Variants in TBC1D1 observed in about 807,000 individuals in gnomAD.
TBC1D1 encodes TBC1 (tre-2/USP6, BUB2, cdc16) domain family, member 1.
TBC1D1 carries 89 observed loss-of-function variants against 125.6 expected under a neutral mutation model. The observed-to-expected ratio is 0.71, with a 90% CI of 0.60 to 0.85. TBC1D1 has a LOEUF of 0.85. Among genes scored for constraint, TBC1D1 ranks in the 40% least tolerant of loss-of-function variants. TBC1D1 has a pLI of 0.00. For synonymous variants in TBC1D1, 565 were observed against 564.1 expected (o/e 1.00, Z -0.02); for missense variants, 1,377 against 1,469.2 (o/e 0.94, Z 1.03).
intron 14 of TBC1D1, among the ~76,000 whole-genome samples, chr4:38,097,171 T>C (rs1477232057): frequency 6.6e-6 from 1 of 152,128 alleles, no homozygotes; most frequent in Non-Finnish European, 1.5e-5. Context: ...TATGCACTTT[T>C]TCTTTTTTGA....
At chr4:38,058,103 C>A (rs1242311552) in intron 12 of TBC1D1, among the ~76,000 whole-genome samples, 2 of 152,174 alleles carry the variant, frequency 1.3e-5, no homozygotes, top group Non-Finnish European at 2.9e-5. Context: ...TACGTACTTG[C>A]CTTCAGTCAA....
chr4:37,944,563 G>A (rs780583391), intron 2 of TBC1D1, among the ~76,000 whole-genome samples: 3 of 152,178 alleles, frequency 2.0e-5, no homozygotes, highest in Non-Finnish European at 4.4e-5. Flanking sequence ...CCTCACTGCC[G>A]CCTTGCAGTT....
chr4:38,121,578 G>A (rs1052942061), intron 17 of TBC1D1, among the ~76,000 whole-genome samples: 5 of 152,230 alleles, frequency 3.3e-5, no homozygotes, highest in African/African-American at 1.2e-4. Flanking sequence ...GTGGGCTACA[G>A]TGTAGTGAGC....
intron 6 of TBC1D1, among the ~76,000 whole-genome samples, chr4:38,025,928 C>T (rs534938607): frequency 1.3e-5 from 2 of 152,266 alleles, no homozygotes; most frequent in Admixed American, 1.3e-4. Flanking sequence ...TGTATTGCAG[C>T]CACCTGAGTG....
chr4:38,031,466 A>C (rs914306330), intron 7 of TBC1D1, among the ~76,000 whole-genome samples: 1 of 152,174 alleles, frequency 6.6e-6, no homozygotes, highest in Non-Finnish European at 1.5e-5. Context: ...TTAAGTTTTA[A>C]GATGTTAGAC....
At position 38,096,021 on chromosome 4, in the gene TBC1D1, A is replaced by T. The variant is rs1482393590; in HGVS notation, c.2329A>T (p.Met777Leu). 2.5e-6 allele frequency: 4 copies of T among 1,614,030 alleles called. No homozygotes were observed. The highest frequency in any genetic ancestry group is 1.3e-5 in the African/African-American group (1 of 74,922). Residue 777 changes from methionine to leucine, a missense_variant, in exon 14 of 20, where the codon ATG (methionine) becomes TTG (leucine). Physicochemically the swap from Met to Leu is conservative, Grantham distance 15. Around this residue, in one of 3 missense-constraint regions of TBC1D1, gnomAD observed 543 missense variants for 613.5 expected, o/e 0.89. Transcript: ENST00000261439. ...AGAAGTAACTACAGTGTGGGAAAAGATGCTTAGCACTCCAGGAAGATCAAA... is the reference window on the plus strand; with the variant it reads ...AGAAGTAACTACAGTGTGGGAAAAGTTGCTTAGCACTCCAGGAAGATCAAA...
rs776941680 is a variant in TBC1D1, at chr4:38,039,104, C to CTTTTTTTTTTTT, written c.1413+3426_1413+3437dup. On this transcript the variant is annotated intron_variant, in intron 8 of 19. Transcript: ENST00000261439. ...AATTTCTTATAAATGGCATCATACT[C>CTTTTTTTTTTTT]TTTTTTTTTTTTTTTTTTTTTTTTT... Among the ~76,000 whole-genome samples, 36 of 51,584 alleles carry CTTTTTTTTTTTT rather than the reference C, an allele frequency of 7.0e-4. 7 individuals are homozygous for CTTTTTTTTTTTT. Among genetic ancestry groups the CTTTTTTTTTTTT allele is most frequent in the South Asian group, 2.1e-3 (2 of 960 alleles). The allele number at this position is 51,584 out of a possible 152,430, so 33.8% of individuals were successfully genotyped here. A position where few individuals can be genotyped will look rare whatever the true frequency, so the allele number is the denominator to read the frequency against.
intron 7 of TBC1D1, 30 bp from the exon 8 acceptor site, chr4:38,035,554 AAAAT>A (rs1158831408): frequency 1.7e-5 from 27 of 1,565,682 alleles, no homozygotes; most frequent in African/African-American, 2.7e-5. Context: ...TTGACGATTA[AAAAT>A]AAATCCTGTT....
intron 12 of TBC1D1, among the ~76,000 whole-genome samples, chr4:38,059,293 T>C (rs543609713): frequency 6.6e-6 from 1 of 152,348 alleles, no homozygotes; most frequent in South Asian, 2.1e-4. Flanking sequence ...CTAAGAGGGC[T>C]GGTTTTAATC....
intron 2 of TBC1D1, among the ~76,000 whole-genome samples, chr4:37,906,530 C>T (rs1279435154): frequency 6.6e-6 from 1 of 152,190 alleles, no homozygotes; most frequent in Admixed American, 6.5e-5. Flanking sequence ...TGTAAAGCAT[C>T]AGTGATTTCA....
At chr4:38,106,639 GA>G (rs1761343785) in intron 15 of TBC1D1, among the ~76,000 whole-genome samples, 1 of 152,174 alleles carries the variant, frequency 6.6e-6, no homozygotes, top group African/African-American at 2.4e-5. Context: ...GGAGGAACGG[GA>G]AGGTGTCTCC....
intron 12 of TBC1D1, among the ~76,000 whole-genome samples, chr4:38,081,773 A>C (rs1250522733): frequency 6.6e-6 from 1 of 152,102 alleles, no homozygotes; most frequent in East Asian, 1.9e-4. Flanking sequence ...ATGAATGAGG[A>C]AACTGACACA....
intron 2 of TBC1D1, among the ~76,000 whole-genome samples, chr4:37,986,055 A>G: frequency 6.6e-6 from 1 of 152,270 alleles, no homozygotes; most frequent in Non-Finnish European, 1.5e-5. Context: ...AAGGCACATC[A>G]GTATAAATAA....
chr4:38,105,002 G>A lies in TBC1D1; in HGVS notation c.2557+1845G>A, dbSNP rs181728500. 2.4e-4 allele frequency among the ~76,000 whole-genome samples: 36 copies of A among 152,070 alleles called. No individual in the cohort carries two copies. In the East Asian group the frequency reaches 5.4e-3, roughly 23 times the overall value. ...AATCTCCTGACCTCGTGATCCTCCC[G>A]CCTTGGCCTCTCAAAGTGCTGGGAT... is the stretch of plus-strand genomic sequence containing the variant. On this transcript the variant is annotated intron_variant, in intron 15 of 19. Coordinates refer to ENST00000261439, the MANE Select transcript of TBC1D1 (RefSeq NM_015173.4).
chr4:38,078,706 C>T (rs1756023210), intron 12 of TBC1D1, among the ~76,000 whole-genome samples: 1 of 152,196 alleles, frequency 6.6e-6, no homozygotes, highest in African/African-American at 2.4e-5. Context: ...CTTGTACTGC[C>T]ACCCTGATCT....
At chr4:38,085,438 A>G (rs1190511554) in intron 12 of TBC1D1, among the ~76,000 whole-genome samples, 1 of 152,240 alleles carries the variant, frequency 6.6e-6, no homozygotes, top group East Asian at 1.9e-4. Context: ...GACTTTATAA[A>G]TATGCCTGTC....
intron 17 of TBC1D1, 141 bp downstream of exon 19, chr4:38,118,333 T>A: frequency 9.5e-7 from 1 of 1,052,934 alleles, no homozygotes; most frequent in Non-Finnish European, 1.4e-6. Flanking sequence ...CTAAGATTAG[T>A]CAGGGGTGGG....
intron 2 of TBC1D1, among the ~76,000 whole-genome samples, chr4:37,965,538 A>T (rs1190230378): frequency 6.6e-6 from 1 of 151,908 alleles, no homozygotes; most frequent in East Asian, 1.9e-4. Context: ...AAGTGGAGGG[A>T]GGTGATCCCT....
At chr4:37,910,854 C>T (rs1718445315) in intron 2 of TBC1D1, among the ~76,000 whole-genome samples, 1 of 151,938 alleles carries the variant, frequency 6.6e-6, no homozygotes, top group Admixed American at 6.6e-5. Context: ...CCCCATTTAT[C>T]CTGATGTTGT....
Sources: allele counts gnomAD v4.1 joint callset (sites outside exome capture counted in the v4.1 genomes callset), GRCh38; gene constraint gnomAD v4.1.1; regional missense constraint gnomAD v4.1.1; transcripts MANE v1.5; gene names NCBI Gene and HGNC (gene_info 2026-07-23, HGNC 2026-07-21).